Variants in GPR158 observed in about 807,000 individuals in gnomAD.
The protein encoded by GPR158 is G protein-coupled receptor 158.
In GPR158, 30 loss-of-function variants were observed where a neutral mutation model predicts 78.2. The observed-to-expected ratio is 0.38, with a 90% confidence interval of 0.29 to 0.52. The LOEUF (loss-of-function observed/expected upper bound fraction) is 0.52. Ranked by LOEUF, GPR158 falls within the 20% of genes least tolerant of loss-of-function variation. The probability of loss-of-function intolerance (pLI) is 0.83; values close to 1 mark genes in which losing one functional copy is unlikely to be tolerated. For synonymous variants in GPR158, 581 were observed against 591.1 expected (o/e 0.98, Z 0.25); for missense variants, 1,463 against 1,523.5 (o/e 0.96, Z 0.66).
intron 2 of GPR158, among the ~76,000 whole-genome samples, chr10:25,241,267 C>CCTTTT (rs1853612818): frequency 9.7e-6 from 1 of 103,028 alleles, no homozygotes; most frequent in Non-Finnish European, 1.9e-5. Flanking sequence ...TCCTTTCTTT[C>CCTTTT]TTTCCTTTCT....
intron 2 of GPR158, among the ~76,000 whole-genome samples, chr10:25,279,998 T>G (rs1325698689): frequency 6.6e-6 from 1 of 151,284 alleles, no homozygotes; most frequent in Admixed American, 6.6e-5. Context: ...TTATAACTAC[T>G]TATGAATTAG....
chr10:25,381,028 G>A (rs1459512351), intron 2 of GPR158, among the ~76,000 whole-genome samples: 2 of 152,304 alleles, frequency 1.3e-5, no homozygotes, highest in African/African-American at 2.4e-5. Context: ...GTAAGAATAA[G>A]TATAGGACAG....
intron 6 of GPR158, among the ~76,000 whole-genome samples, chr10:25,557,094 C>T (rs141661838): frequency 4.2e-4 from 64 of 152,260 alleles, no homozygotes; most frequent in Non-Finnish European, 8.2e-4. Flanking sequence ...TTTTATTAAT[C>T]GAGGAAGCAC....
At chr10:25,422,078 A>G (rs956611534) in intron 4 of GPR158, among the ~76,000 whole-genome samples, 1 of 152,114 alleles carries the variant, frequency 6.6e-6, no homozygotes, top group Non-Finnish European at 1.5e-5. Context: ...GTAGTTTTAG[A>G]TGCCTGTCAC....
At chr10:25,557,278 G>A (rs1836798283) in intron 6 of GPR158, among the ~76,000 whole-genome samples, 1 of 152,176 alleles carries the variant, frequency 6.6e-6, no homozygotes, top group African/African-American at 2.4e-5. Context: ...GGAGGCCCTT[G>A]AAACCTGAGG....
At chr10:25,340,565 A>G (rs1357127851) in intron 2 of GPR158, among the ~76,000 whole-genome samples, 1 of 152,100 alleles carries the variant, frequency 6.6e-6, no homozygotes, top group East Asian at 1.9e-4. Context: ...AGAAGAGAAA[A>G]ACACAATAAC....
At chr10:25,393,395 G>C (rs1834328589) in intron 2 of GPR158, among the ~76,000 whole-genome samples, 1 of 152,106 alleles carries the variant, frequency 6.6e-6, no homozygotes, top group Non-Finnish European at 1.5e-5. Flanking sequence ...TAGTTTACCT[G>C]GTTTACCTTA....
intron 2 of GPR158, among the ~76,000 whole-genome samples, chr10:25,359,679 T>A (rs1439241271): frequency 1.3e-5 from 2 of 152,194 alleles, no homozygotes; most frequent in Non-Finnish European, 2.9e-5. Flanking sequence ...TTTGGTTGGT[T>A]CCAAGTCTTT....
intron 5 of GPR158, among the ~76,000 whole-genome samples, chr10:25,474,368 C>G (rs1835552133): frequency 6.6e-6 from 1 of 152,084 alleles, no homozygotes; most frequent in Non-Finnish European, 1.5e-5. Context: ...GATAGGACCT[C>G]TTCACCTACA....
Position 25,317,716 on chromosome 10 carries a change from G to GTTTTTTT in GPR158, c.1009-78192_1009-78186dup, listed in dbSNP as rs756759445. Among the ~76,000 whole-genome samples the GTTTTTTT allele has an allele frequency of 2.5e-3, 331 of 133,944 alleles. 19 individuals carry two copies. The highest frequency in any genetic ancestry group is 8.0e-3 in the African/African-American group (249 of 31,160). The allele number at this position is 133,944 out of a possible 152,430, so 87.9% of individuals were successfully genotyped here. ...TTAAATTCTGTTTTCTTCGTAAAGT[G>GTTTTTTT]TTTTTTTTTGTTTTGTTTTGTTTTG... On this transcript the variant is annotated intron_variant, in intron 2 of 10. Coordinates refer to ENST00000376351, the MANE Select transcript of GPR158 (RefSeq NM_020752.3).
intron 2 of GPR158, among the ~76,000 whole-genome samples, chr10:25,274,315 C>T (rs1266727129): frequency 6.6e-6 from 1 of 152,064 alleles, no homozygotes; most frequent in Non-Finnish European, 1.5e-5. Flanking sequence ...TCCTATATAA[C>T]ACATGAATAA....
intron 4 of GPR158, among the ~76,000 whole-genome samples, chr10:25,462,847 G>T (rs185007696): frequency 6.6e-6 from 1 of 152,096 alleles, no homozygotes. Flanking sequence ...TTTTTCAGAC[G>T]GAATCCACTC....
intron 9 of GPR158, among the ~76,000 whole-genome samples, chr10:25,595,953 T>C (rs747601008): frequency 1.1e-4 from 16 of 152,326 alleles, no homozygotes; most frequent in Admixed American, 2.6e-4. Context: ...CTAGGCATTG[T>C]TATATATCCT....
chr10:25,471,879 T>C (rs1835509440), intron 5 of GPR158, among the ~76,000 whole-genome samples: 1 of 152,174 alleles, frequency 6.6e-6, no homozygotes, highest in Admixed American at 6.6e-5. Flanking sequence ...GTCAGATGAG[T>C]AGGTTGCGAA....
chr10:25,238,824 G>T (rs1210987661), intron 2 of GPR158, among the ~76,000 whole-genome samples: 4 of 152,116 alleles, frequency 2.6e-5, no homozygotes, highest in African/African-American at 7.2e-5. Context: ...TCTTGTTCAG[G>T]ACCCTATGAT....
chr10:25,477,903 A>G (rs1480474911), intron 5 of GPR158, among the ~76,000 whole-genome samples: 5 of 152,166 alleles, frequency 3.3e-5, no homozygotes, highest in Admixed American at 2.6e-4. Context: ...TGGGATGCCA[A>G]GACACTTTTT....
chr10:25,390,215 G>A lies in GPR158; in HGVS notation c.1009-5696G>A, dbSNP rs375057786. ...CAGACTAATACAGTAAATTGGTACC[G>A]GTAGAGGGGGGTACTGCTATTAAGA... On this transcript the variant is annotated intron_variant, in intron 2 of 10. Coordinates refer to ENST00000376351, the MANE Select transcript of GPR158 (RefSeq NM_020752.3). Among the ~76,000 whole-genome samples the A allele has an allele frequency of 7.9e-5, 12 of 152,238 alleles. No individual in the cohort carries two copies. In the South Asian group the frequency reaches 2.3e-3, roughly 29 times the overall value.
chr10:25,379,576 A>G (rs1243562661), intron 2 of GPR158, among the ~76,000 whole-genome samples: 2 of 151,368 alleles, frequency 1.3e-5, no homozygotes, highest in Non-Finnish European at 2.9e-5. Flanking sequence ...TTTTCTCTTC[A>G]GCTTCTGCTT....
rs1855523706 is a variant in GPR158 at position 25,354,687 on chromosome 10, A to G, written c.1009-41224A>G. Among the ~76,000 whole-genome samples, 3 of 152,080 alleles carry G rather than the reference A, an allele frequency of 2.0e-5. No individual in the cohort carries two copies. In the South Asian group the frequency reaches 6.2e-4, roughly 31 times the overall value. On this transcript the variant is annotated intron_variant, in intron 2 of 10. Coordinates refer to ENST00000376351, the MANE Select transcript of GPR158 (RefSeq NM_020752.3). ...ACCTTCAATTTTTTTCTTTTTGCACATTAGCATCTTTTCTTTCAGACTGAA... is the reference window on the plus strand; with the variant it reads ...ACCTTCAATTTTTTTCTTTTTGCACGTTAGCATCTTTTCTTTCAGACTGAA...
Sources: gnomAD v4.1 joint callset for allele counts (sites outside exome capture counted in the v4.1 genomes callset) on GRCh38, gnomAD v4.1.1 for gene constraint, MANE v1.5 for transcripts, NCBI Gene and HGNC (gene_info 2026-07-23, HGNC 2026-07-21) for gene names.